The following RTN1 variants were observed in gnomAD, a reference collection of about 807,000 sequenced individuals.
RTN1 encodes reticulon 1, also known as reticulon-1.
RTN1 carries 25 observed loss-of-function variants against 65.5 expected under a neutral mutation model. The observed-to-expected ratio is 0.38, with a 90% CI of 0.28 to 0.53. The LOEUF (loss-of-function observed/expected upper bound fraction) is 0.53. Among genes scored for constraint, RTN1 ranks in the 20% least tolerant of loss-of-function variants. The pLI is 0.79. For synonymous variants in RTN1, 471 were observed against 447.6 expected (o/e 1.05, Z -0.66); for missense variants, 983 against 1,025.4 (o/e 0.96, Z 0.57).
chr14:59,784,590 T>C (rs1206346463), intron 1 of RTN1, among the ~76,000 whole-genome samples: 6 of 152,250 alleles, frequency 3.9e-5, no homozygotes, highest in Admixed American at 3.9e-4. Flanking sequence ...GAGATATTAC[T>C]TTAATACTGT....
Position 59,870,565 on chromosome 14 carries a change from G to A in RTN1, c.66C>T (p.Leu22=). 1.4e-6 allele frequency: 2 copies of A among 1,456,520 alleles called. No individual in the cohort carries two copies. The highest frequency in any genetic ancestry group is 1.8e-6 in the Non-Finnish European group (2 of 1,109,726). 90.2% of individuals were successfully genotyped at this position (1,456,520 alleles called of 1,614,324 possible). A position where few individuals can be genotyped will look rare whatever the true frequency, so the allele number is the denominator to read the frequency against. The change falls in exon 1 of 9, where the codon CTC becomes CTT. Residue 22 remains leucine, a synonymous_variant. Transcript: ENST00000267484. The surrounding 1 kb of genome is among the most constrained non-coding windows in gnomAD (Gnocchi z 5.1). ...CGTTCTCCCCCTCCCCCCGGTGCCT[G>A]AGCCACTGGGACCCGGGGCCGGCCA... ...LPLAGPGSQW[L]RHRGEGENEA...
intron 1 of RTN1, among the ~76,000 whole-genome samples, chr14:59,830,003 T>C (rs1294704528): frequency 2.6e-5 from 4 of 152,232 alleles, no homozygotes; most frequent in African/African-American, 7.2e-5. Flanking sequence ...TTGGGTTTAG[T>C]CTTGTGTGAC....
intron 3 of RTN1, among the ~76,000 whole-genome samples, chr14:59,608,956 T>C (rs1267844135): frequency 6.6e-6 from 1 of 152,174 alleles, no homozygotes; most frequent in East Asian, 1.9e-4. Flanking sequence ...CTCTTCTCCC[T>C]ATCCTGACCC....
At chr14:59,777,447 T>A (rs758664876) in intron 1 of RTN1, among the ~76,000 whole-genome samples, 1 of 152,144 alleles carries the variant, frequency 6.6e-6, no homozygotes, top group Non-Finnish European at 1.5e-5. Flanking sequence ...TAGCAGTGTA[T>A]CCTTTTAAGT....
chr14:59,733,282 A>G (rs1048362523), intron 2 of RTN1, among the ~76,000 whole-genome samples: 4 of 152,092 alleles, frequency 2.6e-5, no homozygotes, highest in Non-Finnish European at 4.4e-5. Context: ...TAGTACATAC[A>G]GTGTTTCACC....
rs1886096720 is a variant in RTN1, at chr14:59,778,599, G to A, written c.242-32118C>T. On this transcript the variant is annotated intron_variant, in intron 1 of 8. Coordinates refer to ENST00000267484, the MANE Select transcript of RTN1 (RefSeq NM_021136.3). ...GGCCTCTTAGTCTATTTGAGTGAGG[G>A]AAGTTTGTAAACAAATAAGTCAAGT... 2.6e-5 allele frequency among the ~76,000 whole-genome samples: 4 copies of A among 152,190 alleles called. No homozygotes were observed. The South Asian group carries it at 6.2e-4, about 24-fold the overall frequency.
intron 1 of RTN1, among the ~76,000 whole-genome samples, chr14:59,820,661 G>T (rs964042740): frequency 1.4e-4 from 21 of 152,038 alleles, no homozygotes; most frequent in Admixed American, 9.8e-4. Flanking sequence ...TGAATAGAGT[G>T]CTTTCCCCAT....
chr14:59,746,081 C>T lies in RTN1; in HGVS notation c.642G>A (p.Glu214=). 2.5e-6 allele frequency: 4 copies of T among 1,614,006 alleles called. No individual in the cohort carries two copies. Among genetic ancestry groups the T allele is most frequent in the Non-Finnish European group, 3.4e-6 (4 of 1,179,982 alleles). Residue 214 remains glutamate, a synonymous_variant, in exon 2 of 9, where the codon GAG becomes GAA. Transcript: ENST00000267484. ...EVKHQEQHHP[E]LEDKDLDFKN... is the part of the protein sequence containing the mutation. ...TAAAGTCCAAGTCTTTATCTTCCAG[C>T]TCGGGGTGATGTTGTTCTTGGTGCT...
intron 1 of RTN1, among the ~76,000 whole-genome samples, chr14:59,838,672 T>C (rs1018742653): frequency 6.6e-4 from 101 of 152,120 alleles, no homozygotes; most frequent in Admixed American, 6.6e-3. Flanking sequence ...TGTCTGTATA[T>C]TAAGATATAA....
chr14:59,598,458 G>A (rs1881476714), intron 8 of RTN1, among the ~76,000 whole-genome samples: 1 of 152,150 alleles, frequency 6.6e-6, no homozygotes, highest in African/African-American at 2.4e-5. Flanking sequence ...ATAAATAAGT[G>A]GATAGACCTG....
rs1156536610 is a variant in RTN1 at position 59,766,389 on chromosome 14, C to G, written c.242-19908G>C. Among the ~76,000 whole-genome samples, 2 of 152,090 alleles carry G rather than the reference C, an allele frequency of 1.3e-5. No individual in the cohort carries two copies. The highest frequency in any genetic ancestry group is 2.9e-5 in the Non-Finnish European group (2 of 68,008). On this transcript the variant is annotated intron_variant, in intron 1 of 8. Transcript: ENST00000267484. The surrounding 1 kb of genome is among the most constrained non-coding windows in gnomAD (Gnocchi z 4.4). ...AGAAACAGGCCAGAGTCAAGGTATA[C>G]TTTCTATTTTACCTTTGTTTTTATT...
At chr14:59,747,341 G>C (rs1885248528) in intron 1 of RTN1, among the ~76,000 whole-genome samples, 2 of 152,254 alleles carry the variant, frequency 1.3e-5, no homozygotes, top group African/African-American at 4.8e-5. Context: ...CAGGTGCAGT[G>C]GCTCACGCCT....
At chr14:59,656,365 G>A (rs938086083) in intron 3 of RTN1, among the ~76,000 whole-genome samples, 1 of 152,196 alleles carries the variant, frequency 6.6e-6, no homozygotes, top group African/African-American at 2.4e-5. Context: ...TAAATTGTAT[G>A]TTAATTAAAA....
chr14:59,772,022 A>C (rs1367470380), intron 1 of RTN1, among the ~76,000 whole-genome samples: 4 of 152,248 alleles, frequency 2.6e-5, no homozygotes, highest in South Asian at 4.1e-4. Flanking sequence ...TAATATGTAC[A>C]CTAAAAAGGT....
rs1885310739 is a variant in RTN1 at position 59,749,198 on chromosome 14, CTATATATATATCTATATA to C, written c.242-2735_242-2718del. 8.9e-5 allele frequency among the ~76,000 whole-genome samples: 4 copies of C among 45,150 alleles called. 2 individuals carry two copies. The highest frequency in any genetic ancestry group is 5.4e-4 in the African/African-American group (4 of 7,418). 29.6% of individuals were successfully genotyped at this position (45,150 alleles called of 152,430 possible). On this transcript the variant is annotated intron_variant, in intron 1 of 8. Coordinates refer to ENST00000267484, the MANE Select transcript of RTN1 (RefSeq NM_021136.3). The stretch of plus-strand genomic sequence containing the variant: ...TATCTATATATCTATCTATATATAT[CTATATATATATCTATATA>C]TATCTATATATCTATATATATCTAT...
chr14:59,869,979 T>C (rs527520268), intron 1 of RTN1, among the ~76,000 whole-genome samples: 7 of 152,138 alleles, frequency 4.6e-5, no homozygotes, highest in African/African-American at 1.7e-4. Context: ...GCATCTCCTG[T>C]AGCCGGCGCG....
intron 3 of RTN1, among the ~76,000 whole-genome samples, chr14:59,673,538 C>T (rs745389196): frequency 3.3e-5 from 5 of 152,150 alleles, no homozygotes; most frequent in Admixed American, 6.5e-5. Flanking sequence ...GGGGACCCTT[C>T]GGCAGTGAGT....
At chr14:59,853,153 T>C (rs1056529093) in intron 1 of RTN1, among the ~76,000 whole-genome samples, 5 of 152,086 alleles carry the variant, frequency 3.3e-5, no homozygotes, top group African/African-American at 1.2e-4. Flanking sequence ...AATTTGGGGG[T>C]GTTTGTACAG....
At chr14:59,622,340 CTAAA>C (rs967419402) in intron 3 of RTN1, among the ~76,000 whole-genome samples, 1 of 152,276 alleles carries the variant, frequency 6.6e-6, no homozygotes, top group Non-Finnish European at 1.5e-5. Flanking sequence ...CACTCCATCT[CTAAA>C]TAAATAAATA....
Sources: gnomAD v4.1 joint callset for allele counts (sites outside exome capture counted in the v4.1 genomes callset) on GRCh38, gnomAD v4.1.1 for gene constraint, Gnocchi (gnomAD v3.1) non-coding constraint, MANE v1.5 for transcripts, NCBI Gene and HGNC (gene_info 2026-07-23, HGNC 2026-07-21) for gene names.